The following COQ6 variants were observed in gnomAD, a reference collection of about 807,000 sequenced individuals.
COQ6 encodes the protein ubiquinone biosynthesis monooxygenase COQ6, mitochondrial.
A neutral mutation model predicts 55.5 loss-of-function variants in COQ6; 45 were observed. That is an observed-to-expected ratio of 0.81 (90% CI 0.64 to 1.04). The LOEUF is 1.04. Among genes scored for constraint, COQ6 ranks in the 50% least tolerant of loss-of-function variants. The pLI, the probability that COQ6 is intolerant of heterozygous loss-of-function variation, is 0.00. For missense variants in COQ6, 550 were observed against 601.3 expected (o/e 0.91, Z 0.89); for synonymous variants, 206 against 230.5 (o/e 0.89, Z 0.96).
chr14:73,955,773 T>A, intron 3 of COQ6, 32 bp from the exon 4 acceptor site: 1 of 1,614,164 alleles, frequency 6.2e-7, no homozygotes, highest in Non-Finnish European at 8.5e-7. Context: ...TCCCTCTTGG[T>A]TTTAATGCAG....
chr14:73,957,167 GGCTCACTGCA>G (rs2056478070), intron 4 of COQ6, among the ~76,000 whole-genome samples: 1 of 151,122 alleles, frequency 6.6e-6, no homozygotes, highest in South Asian at 2.1e-4. Context: ...GCACAGTCTC[GGCTCACTGCA>G]AGCTCGGCCT....
intron 1 of COQ6, 118 bp from the exon 2 acceptor site, chr14:73,953,317 A>G: frequency 2.1e-6 from 2 of 937,538 alleles, no homozygotes; most frequent in Admixed American, 3.7e-5. Flanking sequence ...TATAGTGTTT[A>G]TGTTCTCTGT....
chr14:73,957,176 CA>C (rs1241997568), intron 4 of COQ6, among the ~76,000 whole-genome samples: 8 of 151,776 alleles, frequency 5.3e-5, no homozygotes, highest in Non-Finnish European at 8.8e-5. Flanking sequence ...CGGCTCACTG[CA>C]AGCTCGGCCT....
chr14:73,958,756 A>C (rs1297691180), intron 5 of COQ6: 15 of 1,456,086 alleles, frequency 1.0e-5, no homozygotes, highest in Non-Finnish European at 1.2e-5. Flanking sequence ...CATGGCTGGC[A>C]CCTGTTCAGT....
rs1457232470 is a variant in COQ6, at chr14:73,961,283, C to T, written c.1002C>T (p.Ser334=). The T allele has an allele frequency of 2.4e-5, 38 of 1,614,028 alleles. No homozygotes were observed. Among genetic ancestry groups the T allele is most frequent in the African/African-American group, 2.7e-5 (2 of 74,920 alleles). ...TKVSARQLPP[S]VARVDAKSRV... The stretch of plus-strand genomic sequence containing the variant: ...TCTCGGCTCGCCAGCTGCCCCCAAG[C>T]GTAGCCAGGGTGGATGCCAAAAGCC... Residue 334 remains serine, a synonymous_variant, in exon 9 of 12, where the codon AGC becomes AGT. Transcript: ENST00000334571.
intron 11 of COQ6, 83 bp downstream of exon 11, chr14:73,961,986 C>T (rs1292916773): frequency 2.0e-6 from 3 of 1,516,746 alleles, no homozygotes; most frequent in African/African-American, 2.7e-5. Context: ...TTGGTCTTAT[C>T]GCCCAGGATG....
intron 7 of COQ6, 35 bp downstream of exon 7, chr14:73,959,259 A>G (rs772524163): frequency 6.2e-7 from 1 of 1,614,220 alleles, no homozygotes; most frequent in Non-Finnish European, 8.5e-7. Context: ...GCCCACATGC[A>G]TGCAAGCCTT....
rs550079042 is a variant in COQ6 at position 73,953,379 on chromosome 14, A to G, written c.164-56A>G. The G allele has an allele frequency of 5.9e-5, 85 of 1,446,084 alleles. 1 individual carries two copies. The South Asian group carries it at 9.1e-4, about 15-fold the overall frequency. The allele number at this position is 1,446,084 out of a possible 1,614,324, so 89.6% of individuals were successfully genotyped here. A position where few individuals can be genotyped will look rare whatever the true frequency, so the allele number is the denominator to read the frequency against. Reference sequence around the variant, plus strand: ...TGGTTACTCTGTTGTTTCTCTTGGTAATGGGAAAGGAAATTCTTGATTTTC... The same window carrying G: ...TGGTTACTCTGTTGTTTCTCTTGGTGATGGGAAAGGAAATTCTTGATTTTC... On this transcript the variant is annotated intron_variant, in intron 1 of 11. Transcript: ENST00000334571.
chr14:73,955,477 A>G lies in COQ6; in HGVS notation c.325A>G (p.Asn109Asp). 3 of 1,614,192 alleles carry G rather than the reference A, an allele frequency of 1.9e-6. No individual in the cohort carries two copies. Among genetic ancestry groups the G allele is most frequent in the Non-Finnish European group, 2.5e-6 (3 of 1,180,016 alleles). ...TTTTGGTGCCTGGGACCATATCTGCAACATGAGATACAGAGCCTTTCGGCG... is the reference window on the plus strand; with the variant it reads ...TTTTGGTGCCTGGGACCATATCTGCGACATGAGATACAGAGCCTTTCGGCG... ...SSFGAWDHIC[N>D]MRYRAFRRMQ... Residue 109 changes from asparagine (N) to aspartate (D), a missense_variant, in exon 3 of 12, where the codon AAC becomes GAC. Transcript: ENST00000334571.
At chr14:73,952,939 G>T (rs10459547) in intron 1 of COQ6, among the ~76,000 whole-genome samples, 17,270 of 152,204 alleles carry the variant, frequency 0.11, 1,269 homozygotes, top group Admixed American at 0.19. Flanking sequence ...GGCCTTCAAA[G>T]TGCTGGGATT....
chr14:73,953,799 C>T, intron 2 of COQ6: 1 of 600,560 alleles, frequency 1.7e-6, no homozygotes, highest in Non-Finnish European at 3.0e-6. Flanking sequence ...CATGTGGGTC[C>T]ATCATGTTGA....
At chr14:73,953,631 C>T (rs1432364113) in intron 2 of COQ6, 62 bp downstream of exon 2, 37 of 1,599,924 alleles carry the variant, frequency 2.3e-5, no homozygotes, top group Middle Eastern at 1.7e-4. Context: ...TCTAGTGTAT[C>T]CCATGGGGCA....
At position 73,961,729 on chromosome 14, in the gene COQ6, C is replaced by A; in HGVS notation, c.1211-8C>A. On this transcript the variant is annotated splice_polypyrimidine_tract_variant and splice_region_variant and intron_variant, in intron 10 of 11. Coordinates refer to ENST00000334571, the MANE Select transcript of COQ6 (RefSeq NM_182476.3). The stretch of plus-strand genomic sequence containing the variant: ...GATTAGGGATTTAATCTTTCCTCTG[C>A]CCTTCAGGTTCCGTGAGCCACCTCA... 6.2e-7 allele frequency: 1 copy of A among 1,614,052 alleles called. No individual in the cohort carries two copies. The highest frequency in any genetic ancestry group is 8.5e-7 in the Non-Finnish European group (1 of 1,179,940).
intron 5 of COQ6, 130 bp downstream of exon 5, chr14:73,958,407 C>G (rs1487600385): frequency 1.3e-6 from 2 of 1,528,950 alleles, no homozygotes; most frequent in East Asian, 2.5e-5. Context: ...AGGACCAGTA[C>G]CTATTCAGGC....
At chr14:73,962,877 T>C (rs747727638) in intron 11 of COQ6, 93 bp from the exon 12 acceptor site, 156 of 1,084,298 alleles carry the variant, frequency 1.4e-4, no homozygotes, top group Non-Finnish European at 1.9e-4. Flanking sequence ...ACAAGGACAC[T>C]TGGGAAGAAT....
chr14:73,954,978 G>T (rs189541577), intron 2 of COQ6, among the ~76,000 whole-genome samples: 2,809 of 127,122 alleles, frequency 0.022, 113 homozygotes, highest in African/African-American at 0.079. Flanking sequence ...TTGAGACGGA[G>T]TCTCGCTCTG....
chr14:73,962,278 T>G (rs2056778584), intron 11 of COQ6, among the ~76,000 whole-genome samples: 1 of 152,160 alleles, frequency 6.6e-6, no homozygotes, highest in Non-Finnish European at 1.5e-5. Flanking sequence ...TTAATTTTCT[T>G]GGCTGTAAAA....
At chr14:73,962,234 C>A (rs1015887916) in intron 11 of COQ6, among the ~76,000 whole-genome samples, 14 of 152,112 alleles carry the variant, frequency 9.2e-5, no homozygotes, top group African/African-American at 3.4e-4. Flanking sequence ...GCGTGAGCCA[C>A]TGCGGCTGGC....
chr14:73,959,262 C>G, intron 7 of COQ6, 38 bp downstream of exon 7: 1 of 1,614,210 alleles, frequency 6.2e-7, no homozygotes, highest in Non-Finnish European at 8.5e-7. Flanking sequence ...CACATGCATG[C>G]AAGCCTTTCC....
Sources: gnomAD v4.1 joint callset for allele counts (sites outside exome capture counted in the v4.1 genomes callset) on GRCh38, gnomAD v4.1.1 for gene constraint, MANE v1.5 for transcripts, NCBI Gene and HGNC (gene_info 2026-07-23, HGNC 2026-07-21) for gene names.